RBFOX1: variants seen among roughly 807,000 people sequenced by gnomAD.
RBFOX1 encodes the protein RNA binding fox-1 homolog 1, also known as RNA binding protein fox-1 homolog 1.
In RBFOX1, 8 loss-of-function variants were observed where a neutral mutation model predicts 57.7. That is an observed-to-expected ratio of 0.14 (90% CI 0.08 to 0.25). The LOEUF is 0.25. RBFOX1 is among the 10% of genes least tolerant of loss of function. The pLI, the probability that RBFOX1 is intolerant of heterozygous loss-of-function variation, is 1.00. For missense variants in RBFOX1, 611 were observed against 548.5 expected, an observed-to-expected ratio of 1.11 and a Z score of -1.14; for synonymous variants, 326 against 222.4, an observed-to-expected ratio of 1.47 and a Z score of -4.15.
At chr16:7,408,983 T>A (rs191234283) in intron 4 of RBFOX1, among the ~76,000 whole-genome samples, 37 of 152,300 alleles carry the variant, frequency 2.4e-4, no homozygotes, top group African/African-American at 7.9e-4. Flanking sequence ...TCTTTTTGCA[T>A]CCCCGCCCGT....
At chr16:7,583,497 C>T (rs2093930080) in intron 6 of RBFOX1, among the ~76,000 whole-genome samples, 1 of 152,138 alleles carries the variant, frequency 6.6e-6, no homozygotes, top group Non-Finnish European at 1.5e-5. Flanking sequence ...TAATATTTAA[C>T]ATTTAAACAT....
At chr16:7,625,516 C>T (rs2059952034) in intron 10 of RBFOX1, among the ~76,000 whole-genome samples, 1 of 152,098 alleles carries the variant, frequency 6.6e-6, no homozygotes, top group Admixed American at 6.5e-5. Flanking sequence ...ATACTCATTC[C>T]ATCTTAGGTA....
chr16:7,401,084 A>T (rs781538720), intron 4 of RBFOX1, among the ~76,000 whole-genome samples: 1 of 152,236 alleles, frequency 6.6e-6, no homozygotes, highest in African/African-American at 2.4e-5. Context: ...CAAGACATCC[A>T]GGAGAATTTG....
chr16:6,140,642 A>G (rs1314870479), intron 1 of RBFOX1, among the ~76,000 whole-genome samples: 1 of 151,312 alleles, frequency 6.6e-6, no homozygotes, highest in African/African-American at 2.4e-5. Flanking sequence ...CTTGATCCCA[A>G]CTCCTTCCCT....
At chr16:6,120,654 T>A (rs1453526378) in intron 1 of RBFOX1, among the ~76,000 whole-genome samples, 1 of 152,220 alleles carries the variant, frequency 6.6e-6, no homozygotes, top group African/African-American at 2.4e-5. Flanking sequence ...ATAATAATTA[T>A]TGTTATTAAT....
At chr16:6,574,986 C>A (rs1266728995) in intron 2 of RBFOX1, among the ~76,000 whole-genome samples, 1 of 150,130 alleles carries the variant, frequency 6.7e-6, no homozygotes, top group African/African-American at 2.5e-5. Context: ...TGCAGTGAGC[C>A]GAGATGGCAC....
chr16:7,497,065 C>G (rs2068906211), intron 4 of RBFOX1, among the ~76,000 whole-genome samples: 2 of 152,126 alleles, frequency 1.3e-5, no homozygotes, highest in South Asian at 4.1e-4. Context: ...CTCCAGCCTA[C>G]CAGCCATTTA....
intron 2 of RBFOX1, among the ~76,000 whole-genome samples, chr16:6,532,655 C>T (rs2096674988): frequency 6.6e-6 from 1 of 152,182 alleles, no homozygotes. Flanking sequence ...TCTTCCTGCA[C>T]ATGCACACTC....
chr16:6,409,345 C>T (rs1489994579), intron 2 of RBFOX1, among the ~76,000 whole-genome samples: 5 of 152,042 alleles, frequency 3.3e-5, no homozygotes, highest in South Asian at 2.1e-4. Flanking sequence ...ACCTGGGAGG[C>T]GGATGTTGCA....
chr16:7,376,109 AAAC>A (rs1422562735), intron 4 of RBFOX1, among the ~76,000 whole-genome samples: 1 of 152,224 alleles, frequency 6.6e-6, no homozygotes, highest in Non-Finnish European at 1.5e-5. Flanking sequence ...CACTTTTCTA[AAAC>A]AACAAGAAAT....
chr16:6,141,513 C>T (rs1395274746), intron 1 of RBFOX1, among the ~76,000 whole-genome samples: 1 of 152,100 alleles, frequency 6.6e-6, no homozygotes, highest in Non-Finnish European at 1.5e-5. Context: ...TGGTTTTGTT[C>T]ATATACTGCT....
chr16:7,708,285 C>A (rs1466143907), intron 14 of RBFOX1, among the ~76,000 whole-genome samples: 1 of 152,132 alleles, frequency 6.6e-6, no homozygotes, highest in African/African-American at 2.4e-5. Flanking sequence ...AGTAGGCATT[C>A]AGCACGTTTG....
At chr16:5,454,918 T>C (rs1171590146) in intron 1 of RBFOX1, among the ~76,000 whole-genome samples, 1,445 of 86,862 alleles carry the variant, frequency 0.017, 58 homozygotes, top group East Asian at 0.029. Flanking sequence ...TTCTTTCCTT[T>C]GTTTCTTTCT....
At chr16:7,363,729 C>T (rs181437868) in intron 4 of RBFOX1, among the ~76,000 whole-genome samples, 16 of 152,234 alleles carry the variant, frequency 1.1e-4, no homozygotes, top group African/African-American at 3.9e-4. Context: ...CGGCTAAGTA[C>T]ATTTTATGGA....
intron 13 of RBFOX1, among the ~76,000 whole-genome samples, chr16:7,666,738 G>A (rs2069437698): frequency 1.3e-5 from 2 of 152,176 alleles, no homozygotes; most frequent in Admixed American, 1.3e-4. Context: ...GTTAGAAGAA[G>A]GAAATATGCC....
intron 3 of RBFOX1, among the ~76,000 whole-genome samples, chr16:6,976,997 C>T (rs1444376377): frequency 2.1e-5 from 3 of 140,642 alleles, no homozygotes; most frequent in South Asian, 4.5e-4. Context: ...TATCACATGC[C>T]ATATATTGTA....
intron 2 of RBFOX1, among the ~76,000 whole-genome samples, chr16:6,599,319 C>G (rs2097819084): frequency 6.6e-6 from 1 of 152,110 alleles, no homozygotes; most frequent in Non-Finnish European, 1.5e-5. Context: ...TTGCAGTCAG[C>G]CAGGGGTCCT....
At chr16:6,279,645 G>A (rs1487497791) in intron 1 of RBFOX1, among the ~76,000 whole-genome samples, 1 of 152,178 alleles carries the variant, frequency 6.6e-6, no homozygotes, top group East Asian at 1.9e-4. Flanking sequence ...TTAGGGAGAA[G>A]AGAAACATAA....
At chr16:6,288,806 T>C (rs1265967537) in intron 1 of RBFOX1, among the ~76,000 whole-genome samples, 1 of 152,130 alleles carries the variant, frequency 6.6e-6, no homozygotes, top group Non-Finnish European at 1.5e-5. Flanking sequence ...TTGTAGAGTG[T>C]GTTTTTAGTA....
Sources: allele counts gnomAD v4.1 joint callset (sites outside exome capture counted in the v4.1 genomes callset), GRCh38; gene constraint gnomAD v4.1.1; transcripts MANE v1.5; gene names NCBI Gene and HGNC (gene_info 2026-07-23, HGNC 2026-07-21).